Variants in SLC24A2 observed in about 807,000 individuals in gnomAD.
SLC24A2 encodes solute carrier family 24 member 2.
In SLC24A2, 36 loss-of-function variants were observed where a neutral mutation model predicts 62.0. That is an observed-to-expected ratio of 0.58 (90% CI 0.44 to 0.77). SLC24A2 has a LOEUF of 0.77. Ranked by LOEUF, SLC24A2 falls within the 30% of genes least tolerant of loss-of-function variation. The pLI is 0.00. For missense variants in SLC24A2, 846 were observed against 817.9 expected, an observed-to-expected ratio of 1.03 and a Z score of -0.42; for synonymous variants, 358 against 294.0, an observed-to-expected ratio of 1.22 and a Z score of -2.23.
chr9:20,169,236 A>G, the SLC24A2 span, among the ~76,000 whole-genome samples: 3 of 151,980 alleles, frequency 2.0e-5, no homozygotes, highest in African/African-American at 7.2e-5. Flanking sequence ...TTATGCTGGG[A>G]TCATGAAAAA....
the SLC24A2 span, among the ~76,000 whole-genome samples, chr9:20,281,393 C>A: frequency 6.6e-6 from 1 of 152,108 alleles, no homozygotes; most frequent in East Asian, 1.9e-4. Flanking sequence ...TACATTTTCA[C>A]AACTGAACAC....
the SLC24A2 span, among the ~76,000 whole-genome samples, chr9:19,962,509 T>C: frequency 6.6e-6 from 1 of 152,240 alleles, no homozygotes; most frequent in South Asian, 2.1e-4. Flanking sequence ...GGAATGTTCT[T>C]CCATTTGTTT....
At chr9:20,189,496 G>C in the SLC24A2 span, among the ~76,000 whole-genome samples, 1 of 152,172 alleles carries the variant, frequency 6.6e-6, no homozygotes, top group African/African-American at 2.4e-5. Flanking sequence ...GTTTATGGAA[G>C]AAATCTTAAA....
intron 2 of SLC24A2, among the ~76,000 whole-genome samples, chr9:19,686,376 G>T (rs1192455512): frequency 6.6e-6 from 1 of 152,010 alleles, no homozygotes; most frequent in Admixed American, 6.6e-5. Flanking sequence ...TAAAACAGAA[G>T]TAACATTTGA....
chr9:19,758,891 G>T (rs2118842817), intron 2 of SLC24A2, among the ~76,000 whole-genome samples: 1 of 152,270 alleles, frequency 6.6e-6, no homozygotes, highest in African/African-American at 2.4e-5. Context: ...CTAAGGTAAA[G>T]TCGTCTGTTC....
the SLC24A2 span, among the ~76,000 whole-genome samples, chr9:19,988,097 G>A: frequency 6.6e-6 from 1 of 152,166 alleles, no homozygotes; most frequent in African/African-American, 2.4e-5. Context: ...AAGGAGGGAT[G>A]GATGAACTGC....
the SLC24A2 span, among the ~76,000 whole-genome samples, chr9:19,903,856 A>G: frequency 2.6e-5 from 4 of 152,308 alleles, no homozygotes; most frequent in East Asian, 7.7e-4. Flanking sequence ...CTTGCTTAAC[A>G]TTCAGGTAAC....
chr9:19,800,411 A>G, the SLC24A2 span, among the ~76,000 whole-genome samples: 2 of 152,138 alleles, frequency 1.3e-5, no homozygotes, highest in African/African-American at 2.4e-5. Context: ...ACTTATTTTG[A>G]GGGAATATTA....
the SLC24A2 span, among the ~76,000 whole-genome samples, chr9:20,098,085 T>C: frequency 6.6e-6 from 1 of 152,050 alleles, no homozygotes; most frequent in Non-Finnish European, 1.5e-5. Context: ...GTATAAAGTA[T>C]ATATAAAGTA....
At chr9:20,288,885 AG>A in the SLC24A2 span, among the ~76,000 whole-genome samples, 1 of 152,200 alleles carries the variant, frequency 6.6e-6, no homozygotes, top group African/African-American at 2.4e-5. Flanking sequence ...CAGGAAGCAC[AG>A]GCCACATGAA....
intron 2 of SLC24A2, among the ~76,000 whole-genome samples, chr9:19,735,977 G>A (rs1189147549): frequency 2.0e-5 from 3 of 152,034 alleles, no homozygotes; most frequent in African/African-American, 7.3e-5. Flanking sequence ...TGTACGTTGT[G>A]CACATGTACC....
chr9:20,125,476 A>G, the SLC24A2 span, among the ~76,000 whole-genome samples: 2 of 152,216 alleles, frequency 1.3e-5, no homozygotes, highest in East Asian at 3.8e-4. Flanking sequence ...ACACAGGTAC[A>G]GATTTAAAAC....
At chr9:19,634,579 C>T (rs112312355) in intron 2 of SLC24A2, among the ~76,000 whole-genome samples, 22 of 152,294 alleles carry the variant, frequency 1.4e-4, no homozygotes, top group Middle Eastern at 6.8e-3. Flanking sequence ...TGAACCACTG[C>T]GCCCGGCCAA....
chr9:20,177,753 T>A, the SLC24A2 span, among the ~76,000 whole-genome samples: 1 of 152,146 alleles, frequency 6.6e-6, no homozygotes, highest in Admixed American at 6.6e-5. Context: ...AAAACTAGTA[T>A]CTATTGAGAG....
chr9:19,941,588 T>A, the SLC24A2 span, among the ~76,000 whole-genome samples: 80 of 74,194 alleles, frequency 1.1e-3, no homozygotes, highest in Non-Finnish European at 1.8e-3. Flanking sequence ...TGTGTGTGTG[T>A]GTGAGAGAGA....
At chr9:19,872,067 A>G in the SLC24A2 span, among the ~76,000 whole-genome samples, 1 of 152,238 alleles carries the variant, frequency 6.6e-6, no homozygotes. Context: ...CAAAGCTGGC[A>G]TTTGACCAGG....
At chr9:19,768,609 G>C (rs188240823) in intron 2 of SLC24A2, among the ~76,000 whole-genome samples, 1 of 152,140 alleles carries the variant, frequency 6.6e-6, no homozygotes, top group Admixed American at 6.5e-5. Flanking sequence ...TAGACAATGG[G>C]ATTATTCACA....
chr9:19,558,244 G>A (rs1835199530), intron 7 of SLC24A2, among the ~76,000 whole-genome samples: 1 of 152,192 alleles, frequency 6.6e-6, no homozygotes, highest in Non-Finnish European at 1.5e-5. Context: ...GGGCCACTGA[G>A]ATGCCCTCTT....
chr9:19,608,779 C>CACACAT lies in SLC24A2; in HGVS notation c.1078+10804_1078+10805insATGTGT, dbSNP rs201380430. On this transcript the variant is annotated intron_variant, in intron 4 of 10. Transcript: ENST00000341998. ...CTGAAATCTCTCTCTCTCTCTCTCT[C>CACACAT]ACACACACACACATACACACACACA... 5.7e-4 allele frequency among the ~76,000 whole-genome samples: 86 copies of CACACAT among 151,120 alleles called. 1 individual carries two copies. The highest frequency in any genetic ancestry group is 1.8e-3 in the African/African-American group (74 of 40,820).
Sources: gnomAD v4.1 joint callset for allele counts (sites outside exome capture counted in the v4.1 genomes callset) on GRCh38, gnomAD v4.1.1 for gene constraint, MANE v1.5 for transcripts, NCBI Gene and HGNC (gene_info 2026-07-23, HGNC 2026-07-21) for gene names.